VAMP5: variants seen among roughly 807,000 people sequenced by gnomAD.
VAMP5 encodes the protein vesicle-associated membrane protein 5.
VAMP5 carries 10 observed loss-of-function variants against 8.1 expected under a neutral mutation model. The ratio of observed to expected loss-of-function variants is 1.23; its 90% CI spans 0.76 to 2.09. VAMP5 has a LOEUF of 2.09. Ranked by LOEUF, VAMP5 falls within the 30% of genes most tolerant of loss-of-function variation. The pLI is 0.00. For synonymous variants in VAMP5, 62 were observed against 60.6 expected, an observed-to-expected ratio of 1.02 and a Z score of -0.11; for missense variants, 135 against 152.5, an observed-to-expected ratio of 0.89 and a Z score of 0.60.
At chr2:85,589,429 G>A (rs1049171177) in intron 1 of VAMP5, among the ~76,000 whole-genome samples, 6 of 152,264 alleles carry the variant, frequency 3.9e-5, no homozygotes, top group Admixed American at 2.6e-4. Flanking sequence ...GCCTGGCTTC[G>A]CATTGGGGGA....
intron 1 of VAMP5, among the ~76,000 whole-genome samples, chr2:85,586,634 G>T (rs1672462929): frequency 6.6e-6 from 1 of 151,992 alleles, no homozygotes; most frequent in Admixed American, 6.6e-5. Context: ...GCCTTCAATG[G>T]GTTGTTGGGT....
chr2:85,592,807 A>G, intron 2 of VAMP5, 141 bp from the exon 3 acceptor site: 1 of 791,512 alleles, frequency 1.3e-6, no homozygotes, highest in Non-Finnish European at 2.0e-6. Context: ...TCTCAAAAAA[A>G]AAAAAAAAAG....
At position 85,593,116 on chromosome 2, in the gene VAMP5, C is replaced by T. The variant is rs375941183; in HGVS notation, c.310C>T (p.Arg104Trp). The change falls in exon 3 of 3, where the codon CGG (arginine) becomes TGG (tryptophan). Residue 104 changes from arginine (R) to tryptophan (W), a missense_variant. Transcript: ENST00000306384. Reference sequence around the variant, plus strand: ...GAGCAGTGACAGCAGTAGTGCCCCACGGACCCAGGATGCAGGCATTGCCTC... The same window carrying T: ...GAGCAGTGACAGCAGTAGTGCCCCATGGACCCAGGATGCAGGCATTGCCTC... ...PQSSDSSSAPRTQDAGIASGP... is the reference protein window; with the variant it reads ...PQSSDSSSAPWTQDAGIASGP... 5.7e-5 allele frequency: 92 copies of T among 1,614,100 alleles called. No homozygotes were observed. The highest frequency in any genetic ancestry group is 3.2e-4 in the Admixed American group (19 of 59,996).
At chr2:85,592,844 T>C in intron 2 of VAMP5, 104 bp from the exon 3 acceptor site, 1 of 1,071,032 alleles carries the variant, frequency 9.3e-7, no homozygotes, top group South Asian at 1.3e-5. Context: ...ATGGGGAGGA[T>C]GCAGGAGGAG....
At chr2:85,584,689 GTGAGCCC>G (rs1434912462) in intron 1 of VAMP5, among the ~76,000 whole-genome samples, 196 bp downstream of exon 1, 1 of 152,246 alleles carries the variant, frequency 6.6e-6, no homozygotes, top group African/African-American at 2.4e-5. Flanking sequence ...AGAGAAATGC[GTGAGCCC>G]CGTCCTGGCT....
At chr2:85,584,560 A>G (rs1672435781) in intron 1 of VAMP5, 67 bp downstream of exon 1, 2 of 1,232,082 alleles carry the variant, frequency 1.6e-6, no homozygotes, top group South Asian at 8.1e-5. Flanking sequence ...GGTGGGAGAG[A>G]GGAGTCCAAA....
Position 85,593,046 on chromosome 2 carries a change from C to A in VAMP5, c.240C>A (p.Val80=), listed in dbSNP as rs752674341. ...RICVGLVVVG[V]LLIILIVLLV... ...GCGTGGGGCTGGTGGTGGTTGGTGT[C>A]CTGCTCATCATCCTGATTGTGCTGC... is the stretch of plus-strand genomic sequence containing the variant. Residue 80 remains valine (V), a synonymous_variant, in exon 3 of 3, where the codon GTC becomes GTA. Coordinates refer to ENST00000306384, the MANE Select transcript of VAMP5 (RefSeq NM_006634.3). The A allele has an allele frequency of 1.9e-6, 3 of 1,614,208 alleles. No individual in the cohort carries two copies. Among genetic ancestry groups the A allele is most frequent in the Middle Eastern group, 1.7e-4 (1 of 6,060 alleles).
chr2:85,590,981 C>A (rs1052049078), intron 1 of VAMP5, among the ~76,000 whole-genome samples: 7 of 152,226 alleles, frequency 4.6e-5, no homozygotes, highest in African/African-American at 1.4e-4. Flanking sequence ...AGCTGCCCCC[C>A]AGGCTGGGAA....
intron 1 of VAMP5, among the ~76,000 whole-genome samples, chr2:85,589,957 CT>C (rs1672515407): frequency 2.0e-5 from 3 of 152,156 alleles, no homozygotes; most frequent in African/African-American, 7.2e-5. Flanking sequence ...TGCGCCCAGC[CT>C]GCCTTGGAGT....
In VAMP5 at chr2:85,592,907, G is replaced by A. The variant is rs770238222; in HGVS notation, c.142-41G>A. The A allele has an allele frequency of 1.9e-6, 3 of 1,610,892 alleles. No individual in the cohort carries two copies. The South Asian group carries it at 3.3e-5, about 18-fold the overall frequency. ...AGGAGCTGGCTCCCAGGCCAAGAGG[G>A]TGCCAGCTAACTCCCACTTTGTGTC... On this transcript the variant is annotated intron_variant, in intron 2 of 2. Coordinates refer to ENST00000306384, the MANE Select transcript of VAMP5 (RefSeq NM_006634.3).
chr2:85,588,162 G>GT (rs1304080071), intron 1 of VAMP5, among the ~76,000 whole-genome samples: 1 of 152,010 alleles, frequency 6.6e-6, no homozygotes, highest in Non-Finnish European at 1.5e-5. Flanking sequence ...GCTAATTTAT[G>GT]TATTTCTTGG....
In VAMP5 at chr2:85,593,089, C is replaced by G. The variant is rs1359803401; in HGVS notation, c.283C>G (p.Gln95Glu). The G allele has an allele frequency of 6.2e-7, 1 of 1,614,250 alleles. No individual in the cohort carries two copies. The highest frequency in any genetic ancestry group is 2.2e-5 in the East Asian group (1 of 44,886). Residue 95 changes from glutamine to glutamate, a missense_variant, in exon 3 of 3, where the codon CAG (glutamine) becomes GAG (glutamate). Gln to Glu is a conservative substitution (Grantham distance 29). Transcript: ENST00000306384. ...LIVLLVVFLP[Q>E]SSDSSSAPRT... Reference sequence around the variant, plus strand: ...TGTGCTGCTGGTCGTCTTTCTCCCTCAGAGCAGTGACAGCAGTAGTGCCCC... The same window carrying G: ...TGTGCTGCTGGTCGTCTTTCTCCCTGAGAGCAGTGACAGCAGTAGTGCCCC...
At chr2:85,585,065 C>G (rs1352558264) in intron 1 of VAMP5, among the ~76,000 whole-genome samples, 3 of 152,230 alleles carry the variant, frequency 2.0e-5, no homozygotes, top group Non-Finnish European at 4.4e-5. Context: ...AGAGGCCATT[C>G]CAGCCCCATG....
chr2:85,584,522 C>T (rs1043660652), intron 1 of VAMP5, 29 bp downstream of exon 1: 3 of 1,237,456 alleles, frequency 2.4e-6, no homozygotes, highest in Non-Finnish European at 3.0e-6. Flanking sequence ...CCGGCCAGCC[C>T]TGCGACGGGC....
chr2:85,588,056 C>A (rs1170967786), intron 1 of VAMP5, among the ~76,000 whole-genome samples: 2 of 152,120 alleles, frequency 1.3e-5, no homozygotes, highest in African/African-American at 4.8e-5. Context: ...AGTGCGCAAT[C>A]TTGGCTCACT....
In VAMP5 at chr2:85,591,827, G is replaced by A. The variant is rs766570540; in HGVS notation, c.106G>A (p.Glu36Lys). 28 of 1,614,056 alleles carry A rather than the reference G, an allele frequency of 1.7e-5. No individual in the cohort carries two copies. Among genetic ancestry groups the A allele is most frequent in the East Asian group, 1.6e-4 (7 of 44,892 alleles). Residue 36 changes from glutamate to lysine, a missense_variant, in exon 2 of 3, where the codon GAA becomes AAA. Glu to Lys is a moderately conservative substitution (Grantham distance 56). Coordinates refer to ENST00000306384, the MANE Select transcript of VAMP5 (RefSeq NM_006634.3). ...CCTGGAGCGTGGTGTGAAGCTGGCC[G>A]AACTGCAGCAGCGTTCAGACCAACT... is the stretch of plus-strand genomic sequence containing the variant. ...KVLERGVKLA[E>K]LQQRSDQLLD...
chr2:85,591,092 C>T (rs533703894), intron 1 of VAMP5, among the ~76,000 whole-genome samples: 11 of 152,290 alleles, frequency 7.2e-5, no homozygotes, highest in South Asian at 2.1e-4. Context: ...GGTTCCCAGA[C>T]GGAGAGGGAA....
At chr2:85,589,455 C>CA (rs897869966) in intron 1 of VAMP5, among the ~76,000 whole-genome samples, 1 of 152,202 alleles carries the variant, frequency 6.6e-6, no homozygotes, top group Non-Finnish European at 1.5e-5. Context: ...GTCCAGATTA[C>CA]AGCTGGAAGC....
At position 85,593,158 on chromosome 2, in the gene VAMP5, C is replaced by T. The variant is rs905000260; in HGVS notation, c.*1C>T. On this transcript the variant is annotated 3_prime_UTR_variant, in exon 3 of 3. Transcript: ENST00000306384. ...CATTGCCTCAGGGCCTGGGAACTGA[C>T]CCAGCTGGTCCTGAAGGAGAAGCCA... is the stretch of plus-strand genomic sequence containing the variant. The T allele has an allele frequency of 6.2e-7, 1 of 1,614,064 alleles. No individual in the cohort carries two copies. The highest frequency in any genetic ancestry group is 8.5e-7 in the Non-Finnish European group (1 of 1,180,004).
Sources: allele counts gnomAD v4.1 joint callset (sites outside exome capture counted in the v4.1 genomes callset), GRCh38; gene constraint gnomAD v4.1.1; transcripts MANE v1.5; gene names NCBI Gene and HGNC (gene_info 2026-07-23, HGNC 2026-07-21).